COX17: variants seen among roughly 807,000 people sequenced by gnomAD.
COX17 encodes the protein cytochrome c oxidase copper chaperone COX17.
Under a neutral mutation model 6.3 loss-of-function variants are expected in COX17, and 1 was observed. The ratio of observed to expected loss-of-function variants is 0.16; its 90% CI spans 0.06 to 0.75. The LOEUF (loss-of-function observed/expected upper bound fraction) is 0.75, where lower values mean the gene tolerates loss of function less well. Ranked by LOEUF, COX17 falls within the 30% of genes least tolerant of loss-of-function variation. The probability of loss-of-function intolerance (pLI) is 0.77; values close to 1 mark genes in which losing one functional copy is unlikely to be tolerated. For missense variants in COX17, 73 were observed against 81.2 expected (o/e 0.90, Z 0.39); for synonymous variants, 26 against 30.5 (o/e 0.85, Z 0.49).
At chr3:119,667,024 C>T (rs2052998841), downstream of COX17, 1 of 152,110 alleles carries the variant, frequency 6.6e-6, no homozygotes, top group South Asian at 2.1e-4. Flanking sequence ...CATCATAGGT[C>T]ATATTAGACC....
downstream of COX17, among the ~76,000 whole-genome samples, chr3:119,666,633 T>C (rs1450890459): frequency 6.6e-6 from 1 of 152,236 alleles, no homozygotes; most frequent in Admixed American, 6.5e-5. Context: ...ACGGTTTATA[T>C]ACATATATCC....
intron 1 of COX17, 77 bp downstream of exon 1, chr3:119,677,127 C>A (rs576658447): frequency 9.3e-7 from 1 of 1,072,604 alleles, no homozygotes. Context: ...GGGCAGAGGC[C>A]GTAGGGCAGA....
downstream of COX17, among the ~76,000 whole-genome samples, chr3:119,666,602 A>T (rs2052994533): frequency 6.6e-6 from 1 of 152,240 alleles, no homozygotes; most frequent in Admixed American, 6.5e-5. Context: ...CATACCACTG[A>T]GCATTCAACT....
At chr3:119,676,714 T>C in intron 1 of COX17, 1 of 627,204 alleles carries the variant, frequency 1.6e-6, no homozygotes, top group South Asian at 1.8e-5. Context: ...TCTTAACAAA[T>C]CTATCATAGC....
At position 119,675,137 on chromosome 3, in the gene COX17, A is replaced by C. The variant is rs1370762751; in HGVS notation, c.*4+8T>G. The C allele has an allele frequency of 1.3e-6, 2 of 1,595,880 alleles. No homozygotes were observed. Among genetic ancestry groups the C allele is most frequent in the South Asian group, 1.1e-5 (1 of 90,692 alleles). The stretch of plus-strand genomic sequence containing the variant: ...AAGCAATACACAACTTTGAAGCAAG[A>C]AGCTTACCATTTCATATTTTAAATC... On this transcript the variant is annotated splice_region_variant and intron_variant, in intron 2 of 2. Transcript: ENST00000261070.
intron 2 of COX17, among the ~76,000 whole-genome samples, chr3:119,670,090 G>A (rs1577178845): frequency 1.3e-5 from 2 of 152,270 alleles, no homozygotes; most frequent in East Asian, 3.9e-4. Flanking sequence ...GTAGAAGGCA[G>A]AAGGTCAGCT....
downstream of COX17, among the ~76,000 whole-genome samples, chr3:119,665,013 T>C (rs1156962280): frequency 1.3e-5 from 2 of 152,230 alleles, no homozygotes; most frequent in East Asian, 3.8e-4. Context: ...CCATAGCCAT[T>C]TCCCCTTTTT....
At chr3:119,673,037 G>T (rs1196578079) in intron 2 of COX17, among the ~76,000 whole-genome samples, 1 of 152,166 alleles carries the variant, frequency 6.6e-6, no homozygotes, top group Non-Finnish European at 1.5e-5. Context: ...AAAGAAGCCA[G>T]GCTCTCTAGT....
At chr3:119,666,888 G>A (rs2052997875), downstream of COX17, 1 of 152,128 alleles carries the variant, frequency 6.6e-6, no homozygotes, top group African/African-American at 2.4e-5. Context: ...TGGATAACTA[G>A]TACACCAAAG....
At chr3:119,667,757 C>T (rs2053007595), downstream of COX17, among the ~76,000 whole-genome samples, 2 of 149,864 alleles carry the variant, frequency 1.3e-5, no homozygotes, top group South Asian at 4.2e-4. Context: ...GTGAGAATGT[C>T]ATCGAAGAGA....
chr3:119,677,015 G>C, intron 1 of COX17, 189 bp downstream of exon 1: 1 of 524,786 alleles, frequency 1.9e-6, no homozygotes, highest in Non-Finnish European at 3.4e-6. Flanking sequence ...GGGCGGGGCG[G>C]GGCGGGGCGG....
intron 1 of COX17, 139 bp downstream of exon 1, chr3:119,677,065 G>A (rs191351133): frequency 0.025 from 17,140 of 688,024 alleles, 318 homozygotes; most frequent in Middle Eastern, 0.06. Context: ...GGGGAAGGGG[G>A]GAAGGAAGAG....
At chr3:119,667,121 TA>T, downstream of COX17, 1 of 152,198 alleles carries the variant, frequency 6.6e-6, no homozygotes, top group East Asian at 1.9e-4. Context: ...ATTTCAAGGT[TA>T]GACAAACGGG....
chr3:119,670,996 C>T (rs890926056), intron 2 of COX17, among the ~76,000 whole-genome samples: 1 of 152,122 alleles, frequency 6.6e-6, no homozygotes, highest in Non-Finnish European at 1.5e-5. Flanking sequence ...CTTCTAATTA[C>T]TCTTTTCAGT....
intron 2 of COX17, among the ~76,000 whole-genome samples, chr3:119,673,979 C>T (rs1048968285): frequency 6.6e-6 from 1 of 151,210 alleles, no homozygotes; most frequent in Non-Finnish European, 1.5e-5. Flanking sequence ...GCCTGGCCAC[C>T]ACCCCATCTG....
downstream of COX17, among the ~76,000 whole-genome samples, chr3:119,667,688 TAC>T (rs58875404): frequency 0.044 from 5,966 of 136,814 alleles, 418 homozygotes; most frequent in African/African-American, 0.15. Context: ...GTAAAAGGTG[TAC>T]ACACACACAC....
At chr3:119,667,712 CACACACACACACACACAGAG>C (rs1395724916), downstream of COX17, among the ~76,000 whole-genome samples, 218 of 113,226 alleles carry the variant, frequency 1.9e-3, no homozygotes, top group African/African-American at 5.0e-3. Context: ...CACACACACA[CACACACACACACACACAGAG>C]AGAGAGAGAC....
intron 3 of COX17, among the ~76,000 whole-genome samples, chr3:119,663,987 T>C (rs1364436766): frequency 1.3e-5 from 2 of 152,228 alleles, no homozygotes; most frequent in Non-Finnish European, 2.9e-5. Context: ...TTCTCATTTG[T>C]TGAGCTGATT....
downstream of COX17, among the ~76,000 whole-genome samples, chr3:119,667,796 G>A (rs975377954): frequency 6.6e-6 from 1 of 151,656 alleles, no homozygotes; most frequent in Non-Finnish European, 1.5e-5. Flanking sequence ...TGGGATTTCA[G>A]ATTTCTTCCT....
Sources: gnomAD v4.1 joint callset for allele counts (sites outside exome capture counted in the v4.1 genomes callset) on GRCh38, gnomAD v4.1.1 for gene constraint, MANE v1.5 for transcripts, NCBI Gene and HGNC (gene_info 2026-07-23, HGNC 2026-07-21) for gene names.